Variants in HIVEP3 observed in about 807,000 individuals in gnomAD.
The protein encoded by HIVEP3 is transcription factor HIVEP3.
HIVEP3 carries 49 observed loss-of-function variants against 152.8 expected under a neutral mutation model. That is an observed-to-expected ratio of 0.32 (90% CI 0.26 to 0.41). The LOEUF (loss-of-function observed/expected upper bound fraction) is 0.41, where lower values mean the gene tolerates loss of function less well. Ranked by LOEUF, HIVEP3 falls within the 10% of genes least tolerant of loss-of-function variation. The pLI, the probability that HIVEP3 is intolerant of heterozygous loss-of-function variation, is 1.00. For missense variants in HIVEP3, 2,790 were observed against 3,103.3 expected (o/e 0.90, Z 2.40); for synonymous variants, 1,269 against 1,289.0 (o/e 0.98, Z 0.33).
intron 3 of HIVEP3, among the ~76,000 whole-genome samples, chr1:41,598,908 T>C (rs536949742): frequency 1.3e-5 from 2 of 152,138 alleles, no homozygotes; most frequent in South Asian, 2.1e-4. Flanking sequence ...CTCCACCTCC[T>C]GGGCTCAGGT....
chr1:42,030,278 A>G (rs1327711), intron 1 of HIVEP3, among the ~76,000 whole-genome samples: 105,318 of 152,064 alleles, frequency 0.69, 36,942 homozygotes, highest in East Asian at 0.96. Flanking sequence ...CTCATCAGCT[A>G]TCATTAATGT....
chr1:41,815,768 A>ATTG (rs911817558), intron 1 of HIVEP3, among the ~76,000 whole-genome samples: 1 of 132,276 alleles, frequency 7.6e-6, no homozygotes, highest in African/African-American at 2.8e-5. Flanking sequence ...TTTTTTTTTT[A>ATTG]TTGTTGTTGT....
intron 1 of HIVEP3, among the ~76,000 whole-genome samples, chr1:41,709,008 T>A (rs1178449342): frequency 6.6e-6 from 1 of 152,032 alleles, no homozygotes; most frequent in East Asian, 1.9e-4. Flanking sequence ...TTCTCAGGGG[T>A]TCTGGGAAAG....
chr1:41,946,192 C>G (rs1258285913), intron 1 of HIVEP3, among the ~76,000 whole-genome samples: 2 of 152,202 alleles, frequency 1.3e-5, no homozygotes, highest in African/African-American at 4.8e-5. Flanking sequence ...ATAAGCCGCC[C>G]CTCGTCCATG....
At position 41,727,571 on chromosome 1, in the gene HIVEP3, G is replaced by A. The variant is rs907639; in HGVS notation, c.-800-26576C>T. ...AACAAGTGACAAAGAAAACGAGAGTGTCCAGAGGAAGTGGCTGAGGGGCGC... is the reference window on the plus strand; with the variant it reads ...AACAAGTGACAAAGAAAACGAGAGTATCCAGAGGAAGTGGCTGAGGGGCGC... On this transcript the variant is annotated intron_variant, in intron 1 of 8. Transcript: ENST00000372583. 1.8e-3 allele frequency among the ~76,000 whole-genome samples: 273 copies of A among 152,382 alleles called. 2 individuals are homozygous for A. The highest frequency in any genetic ancestry group is 6.3e-3 in the African/African-American group (260 of 41,598).
intron 1 of HIVEP3, among the ~76,000 whole-genome samples, chr1:41,771,138 A>G (rs564093466): frequency 6.6e-6 from 1 of 152,308 alleles, no homozygotes; most frequent in East Asian, 1.9e-4. Context: ...GTGGGAGTGG[A>G]GCAATGATGA....
intron 1 of HIVEP3, among the ~76,000 whole-genome samples, chr1:41,840,942 A>C (rs1054933480): frequency 6.6e-6 from 1 of 152,230 alleles, no homozygotes. Flanking sequence ...CCATCCAGTC[A>C]GTGGTTAAAC....
At chr1:41,880,198 C>G (rs1644239372) in intron 1 of HIVEP3, among the ~76,000 whole-genome samples, 1 of 152,088 alleles carries the variant, frequency 6.6e-6, no homozygotes, top group Non-Finnish European at 1.5e-5. Context: ...TAGCTGGGAC[C>G]ATAGGCATGC....
chr1:41,582,262 T>A lies in HIVEP3; in HGVS notation c.2536A>T (p.Lys846Ter). ...HGRSAHSLQP[K>*]LVRQPNIQVP... ...TGAATGTTGGGCTGGCGGACCAACT[T>A]AGGCTGCAGGGAGTGAGCAGAGCGT... is the stretch of plus-strand genomic sequence containing the variant. The change falls in exon 4 of 9, where the codon AAG becomes TAG. Residue 846 changes from lysine (K) to a stop codon, truncating the protein, a stop_gained. Coordinates refer to ENST00000372583, the MANE Select transcript of HIVEP3 (RefSeq NM_024503.5). LOFTEE classifies it high-confidence loss of function. This position sits in a 1 kb window ranked among gnomAD's most constrained non-coding sequence, Gnocchi z 4.7. 6.2e-7 allele frequency: 1 copy of A among 1,613,934 alleles called. No individual in the cohort carries two copies.
At chr1:41,831,510 A>G (rs1489944970) in intron 1 of HIVEP3, among the ~76,000 whole-genome samples, 1 of 152,202 alleles carries the variant, frequency 6.6e-6, no homozygotes, top group African/African-American at 2.4e-5. Flanking sequence ...AGAGCATTTC[A>G]CAATATCCAA....
Position 41,978,295 on chromosome 1 carries a change from A to AC in HIVEP3, n.119+57511dup, listed in dbSNP as rs1333182234. 1.6e-3 allele frequency among the ~76,000 whole-genome samples: 243 copies of AC among 150,556 alleles called. 4 individuals are homozygous for AC. Among genetic ancestry groups the AC allele is most frequent in the Non-Finnish European group, 6.5e-4 (44 of 67,598 alleles). On this transcript the variant is annotated intron_variant and non_coding_transcript_variant, in intron 1 of 3. Coordinates refer to the HIVEP3 transcript ENST00000489103. ...GGGCAACAGCTGAACTGTGTCCCCC[A>AC]CCCCCCAAATTCATATGTTGAAGCC...
chr1:42,000,812 C>T lies in HIVEP3; in HGVS notation n.119+34995G>A, dbSNP rs533712954. Among the ~76,000 whole-genome samples, 7 of 152,302 alleles carry T rather than the reference C, an allele frequency of 4.6e-5. No homozygotes were observed. The East Asian group carries it at 5.8e-4, about 13-fold the overall frequency. On this transcript the variant is annotated intron_variant and non_coding_transcript_variant, in intron 1 of 3. Coordinates refer to the HIVEP3 transcript ENST00000489103. ...AAAATAGAGAAGCAGAGCAACCAAT[C>T]GCTCCCCAGCTCCTCCCCTAGTAAT...
At chr1:41,717,110 GAGTGGT>G (rs1302069149) in intron 1 of HIVEP3, among the ~76,000 whole-genome samples, 1 of 152,186 alleles carries the variant, frequency 6.6e-6, no homozygotes, top group East Asian at 1.9e-4. Context: ...AAGGCACCCA[GAGTGGT>G]ACCTGGGGGA....
intron 1 of HIVEP3, chr1:41,865,635 T>C (rs928038762): frequency 1.3e-5 from 2 of 152,222 alleles, no homozygotes; most frequent in African/African-American, 2.4e-5. Context: ...TGAGAATTAT[T>C]TTGAAGCAAA....
chr1:41,631,405 G>C (rs996200427), intron 2 of HIVEP3, among the ~76,000 whole-genome samples: 1 of 152,170 alleles, frequency 6.6e-6, no homozygotes, highest in South Asian at 2.1e-4. Context: ...CACGGCCCAC[G>C]TAACTGCTCT....
chr1:41,611,974 G>T (rs1205043842), intron 3 of HIVEP3, among the ~76,000 whole-genome samples: 1 of 152,062 alleles, frequency 6.6e-6, no homozygotes, highest in East Asian at 1.9e-4. Context: ...CCTTCTTGAT[G>T]GCCCAGGCTT....
intron 1 of HIVEP3, among the ~76,000 whole-genome samples, chr1:41,874,485 A>G (rs1323139349): frequency 6.6e-6 from 1 of 152,170 alleles, no homozygotes; most frequent in Non-Finnish European, 1.5e-5. Context: ...GGAGATTCAC[A>G]GTGTCTAAGG....
intron 1 of HIVEP3, among the ~76,000 whole-genome samples, chr1:41,967,974 T>C (rs1235703952): frequency 1.3e-5 from 2 of 152,122 alleles, no homozygotes; most frequent in African/African-American, 2.4e-5. Context: ...CCTAGACACA[T>C]ACAACCTCCC....
chr1:41,518,167 G>A (rs1040223936), intron 7 of HIVEP3, among the ~76,000 whole-genome samples: 2 of 152,228 alleles, frequency 1.3e-5, no homozygotes, highest in African/African-American at 4.8e-5. Flanking sequence ...ATGATAGCTA[G>A]GGCTGCAGAG....
Sources: allele counts gnomAD v4.1 joint callset (sites outside exome capture counted in the v4.1 genomes callset), GRCh38; gene constraint gnomAD v4.1.1; non-coding constraint Gnocchi (gnomAD v3.1); transcripts MANE v1.5; gene names NCBI Gene and HGNC (gene_info 2026-07-23, HGNC 2026-07-21).